The following CCSER1 variants were observed in gnomAD, a reference collection of about 807,000 sequenced individuals.
CCSER1 encodes serine-rich coiled-coil domain-containing protein 1.
Under a neutral mutation model 82.0 loss-of-function variants are expected in CCSER1, and 41 were observed. The ratio of observed to expected loss-of-function variants is 0.50; its 90% CI spans 0.39 to 0.65. CCSER1 has a LOEUF of 0.65. Among genes scored for constraint, CCSER1 ranks in the 30% least tolerant of loss-of-function variants. The probability of loss-of-function intolerance (pLI) is 0.00; values close to 1 mark genes in which losing one functional copy is unlikely to be tolerated. For missense variants in CCSER1, 1,119 were observed against 1,064.2 expected (o/e 1.05, Z -0.72); for synonymous variants, 414 against 383.9 (o/e 1.08, Z -0.92).
chr4:91,164,567 C>G (rs374891104), intron 10 of CCSER1, among the ~76,000 whole-genome samples: 5 of 152,118 alleles, frequency 3.3e-5, no homozygotes, highest in East Asian at 3.9e-4. Context: ...TGAAGTATAC[C>G]AATCAAATGT....
At chr4:90,460,958 T>G (rs1228190692) in intron 4 of CCSER1, among the ~76,000 whole-genome samples, 7 of 151,676 alleles carry the variant, frequency 4.6e-5, no homozygotes, top group South Asian at 2.1e-4. Context: ...CTTCAAATAA[T>G]AAGAAGCCCT....
intron 1 of CCSER1, among the ~76,000 whole-genome samples, chr4:90,257,104 G>C (rs183447688): frequency 6.6e-6 from 1 of 151,992 alleles, no homozygotes; most frequent in Non-Finnish European, 1.5e-5. Flanking sequence ...GAAAATAGTG[G>C]TGGTCTTAAC....
At chr4:90,412,889 AC>A (rs1755114330) in intron 4 of CCSER1, among the ~76,000 whole-genome samples, 2 of 152,298 alleles carry the variant, frequency 1.3e-5, no homozygotes, top group Admixed American at 6.5e-5. Context: ...TCAACATGGT[AC>A]TGGAAGTCCT....
intron 1 of CCSER1, among the ~76,000 whole-genome samples, chr4:90,230,931 G>GGTT: frequency 6.6e-6 from 1 of 152,114 alleles, no homozygotes; most frequent in South Asian, 2.1e-4. Flanking sequence ...GGAAGAAGTT[G>GGTT]AATCTCTGAA....
At chr4:91,191,251 T>C (rs1349441976) in intron 10 of CCSER1, among the ~76,000 whole-genome samples, 1 of 152,150 alleles carries the variant, frequency 6.6e-6, no homozygotes, top group Non-Finnish European at 1.5e-5. Flanking sequence ...AGGCCCAGTG[T>C]CATTAACTAT....
At chr4:90,833,405 A>T (rs1047889636) in intron 8 of CCSER1, among the ~76,000 whole-genome samples, 5 of 152,176 alleles carry the variant, frequency 3.3e-5, no homozygotes, top group African/African-American at 1.2e-4. Context: ...AGACATTCAA[A>T]CCATAGCAGG....
At chr4:90,805,111 T>A (rs1757339069) in intron 7 of CCSER1, among the ~76,000 whole-genome samples, 1 of 152,234 alleles carries the variant, frequency 6.6e-6, no homozygotes, top group Non-Finnish European at 1.5e-5. Context: ...GTTTAGATGA[T>A]CTTGTAACAA....
At chr4:91,228,605 A>G (rs1738389787) in intron 10 of CCSER1, among the ~76,000 whole-genome samples, 1 of 152,054 alleles carries the variant, frequency 6.6e-6, no homozygotes, top group South Asian at 2.1e-4. Flanking sequence ...TCATTTTGAA[A>G]TTTAAATTTA....
intron 4 of CCSER1, among the ~76,000 whole-genome samples, chr4:90,461,058 T>TAAAAATATATAAAGCTGATCATG (rs1560553037): frequency 9.3e-5 from 8 of 86,382 alleles, no homozygotes; most frequent in South Asian, 8.1e-4. Context: ...AGGCTATTTT[T>TAAAAATATATAAAGCTGATCATG]TTTTTTTTTT....
At position 91,068,694 on chromosome 4, in the gene CCSER1, C is replaced by T. The variant is rs151019768; in HGVS notation, c.2173-17256C>T. Among the ~76,000 whole-genome samples, 1,478 of 152,160 alleles carry T rather than the reference C, an allele frequency of 9.7e-3. 11 individuals carry two copies. Among genetic ancestry groups the T allele is most frequent in the Non-Finnish European group, 0.013 (873 of 68,004 alleles). ...CCTACAGCGCAGGTGAAATAATGCA[C>T]GCGTAGACTACCACTGGTTACTTGT... On this transcript the variant is annotated intron_variant, in intron 9 of 10. Coordinates refer to ENST00000509176, the MANE Select transcript of CCSER1 (RefSeq NM_001145065.2).
intron 8 of CCSER1, among the ~76,000 whole-genome samples, chr4:90,876,031 T>C (rs1229635535): frequency 2.6e-5 from 4 of 152,182 alleles, no homozygotes; most frequent in Non-Finnish European, 4.4e-5. Context: ...ACTTCTTTCA[T>C]TGTGGTAGCC....
chr4:90,571,674 T>A (rs1780133898), intron 5 of CCSER1, among the ~76,000 whole-genome samples: 1 of 152,150 alleles, frequency 6.6e-6, no homozygotes, highest in South Asian at 2.1e-4. Flanking sequence ...ACAGGATCAA[T>A]AGAAGCCTGA....
intron 3 of CCSER1, among the ~76,000 whole-genome samples, chr4:90,326,513 G>T (rs1000366510): frequency 1.3e-5 from 2 of 151,244 alleles, no homozygotes; most frequent in Admixed American, 6.6e-5. Flanking sequence ...TCTTAGTTTG[G>T]TACATCCCAC....
chr4:91,024,731 CTT>C (rs1740335570), intron 9 of CCSER1, among the ~76,000 whole-genome samples: 1 of 151,888 alleles, frequency 6.6e-6, no homozygotes, highest in African/African-American at 2.4e-5. Flanking sequence ...AGTTTTATCT[CTT>C]ATTTCTATTT....
intron 10 of CCSER1, among the ~76,000 whole-genome samples, chr4:91,225,190 TTATATATAA>T (rs1738052302): frequency 7.1e-6 from 1 of 141,492 alleles, no homozygotes; most frequent in Admixed American, 7.3e-5. Context: ...ATGTATATAA[TTATATATAA>T]TATATATAAT....
intron 1 of CCSER1, among the ~76,000 whole-genome samples, chr4:90,231,000 A>T (rs1358402901): frequency 6.6e-6 from 1 of 152,266 alleles, no homozygotes; most frequent in East Asian, 1.9e-4. Context: ...AACCAAAAAG[A>T]GTCCAGGAAC....
At chr4:91,273,808 A>G (rs1393588135) in intron 10 of CCSER1, among the ~76,000 whole-genome samples, 2 of 152,204 alleles carry the variant, frequency 1.3e-5, no homozygotes, top group African/African-American at 2.4e-5. Context: ...AGTTTTAATC[A>G]TAAAAGGATG....
chr4:91,136,306 A>G (rs896332574), intron 10 of CCSER1, among the ~76,000 whole-genome samples: 4 of 151,964 alleles, frequency 2.6e-5, no homozygotes, highest in Non-Finnish European at 5.9e-5. Context: ...TCCTCATCCT[A>G]CCGTCTTTAT....
intron 8 of CCSER1, among the ~76,000 whole-genome samples, chr4:90,907,431 T>C (rs1252586128): frequency 6.6e-6 from 1 of 152,092 alleles, no homozygotes; most frequent in Non-Finnish European, 1.5e-5. Context: ...GTAGAAGATA[T>C]GTCTGTATTC....
Sources: gnomAD v4.1 joint callset for allele counts (sites outside exome capture counted in the v4.1 genomes callset) on GRCh38, gnomAD v4.1.1 for gene constraint, MANE v1.5 for transcripts, NCBI Gene and HGNC (gene_info 2026-07-23, HGNC 2026-07-21) for gene names.